Variants in RASSF4 observed in about 807,000 individuals in gnomAD.
The protein encoded by RASSF4 is ras association domain-containing protein 4.
In RASSF4, 38 loss-of-function variants were observed where a neutral mutation model predicts 41.1. That is an observed-to-expected ratio of 0.92 (90% CI 0.71 to 1.21). RASSF4 has a LOEUF of 1.21. Among genes scored for constraint, RASSF4 ranks in the 50% most tolerant of loss-of-function variants. RASSF4 has a pLI of 0.00. For missense variants in RASSF4, 414 were observed against 419.4 expected (o/e 0.99, Z 0.11); for synonymous variants, 179 against 163.4 (o/e 1.10, Z -0.73).
At chr10:44,978,025 C>T (rs1484093087) in intron 3 of RASSF4, 18 of 1,607,008 alleles carry the variant, frequency 1.1e-5, no homozygotes, top group Non-Finnish European at 1.5e-5. Context: ...GAAGCCGGGA[C>T]CTCATCACTC....
At chr10:44,987,829 A>C (rs1841976479) in intron 6 of RASSF4, among the ~76,000 whole-genome samples, 1 of 152,172 alleles carries the variant, frequency 6.6e-6, no homozygotes, top group Non-Finnish European at 1.5e-5. Flanking sequence ...TTAAGAAACT[A>C]CAGTATAGTA....
rs1841861853 is a variant in RASSF4 at position 44,984,907 on chromosome 10, CG to C, written c.470del (p.Gly157ValfsTer32). 1.2e-6 allele frequency: 2 copies of C among 1,613,540 alleles called. No individual in the cohort carries two copies. The highest frequency in any genetic ancestry group is 1.3e-5 in the African/African-American group (1 of 75,070). ...SQRRPKCRAP[G>X]EAQRIRRHRF... ...AGAGGAGGCCCAAGTGCCGCGCCCC[CG>C]GTGAGGCCCAGCGCATCCGGCGACA... On this transcript the variant is annotated frameshift_variant, in exon 6 of 11. Transcript: ENST00000340258. LOFTEE classifies it high-confidence loss of function.
rs976167922 is a variant in RASSF4, at chr10:44,995,280, G to T, written c.*1951G>T. On this transcript the variant is annotated 3_prime_UTR_variant, in exon 11 of 11. Coordinates refer to ENST00000340258, the MANE Select transcript of RASSF4 (RefSeq NM_032023.4). ...TCTTCTCATCAGGAGAAGAAGGCCA[G>T]ACACTGGAAGGGTCAAGAGATCAGC... 6.6e-6 allele frequency: 1 copy of T among 152,308 alleles called. No homozygotes were observed. The highest frequency in any genetic ancestry group is 2.4e-5 in the African/African-American group (1 of 41,474). 9.4% of individuals were successfully genotyped at this position (152,308 alleles called of 1,614,324 possible).
intron 1 of RASSF4, among the ~76,000 whole-genome samples, chr10:44,968,047 C>T (rs1466396534): frequency 6.6e-6 from 1 of 152,164 alleles, no homozygotes; most frequent in Non-Finnish European, 1.5e-5. Context: ...GAGCCCAGGG[C>T]TTAGAGCAGG....
chr10:44,974,080 T>C (rs1178934883), intron 3 of RASSF4, among the ~76,000 whole-genome samples: 1 of 152,238 alleles, frequency 6.6e-6, no homozygotes, highest in African/African-American at 2.4e-5. Flanking sequence ...GGCTTTAGGC[T>C]GTGACACTGA....
intron 3 of RASSF4, chr10:44,977,461 G>T: frequency 6.2e-7 from 1 of 1,612,124 alleles, no homozygotes; most frequent in Non-Finnish European, 8.5e-7. Flanking sequence ...GGGGGCGGTG[G>T]CGGGAGGCCA....
At chr10:44,970,456 TG>T in intron 2 of RASSF4, 192 bp downstream of exon 2, 1 of 579,868 alleles carries the variant, frequency 1.7e-6, no homozygotes. Flanking sequence ...TGACCATGGC[TG>T]GGAGGCATGG....
At chr10:44,977,834 G>A in intron 3 of RASSF4, 1 of 1,605,936 alleles carries the variant, frequency 6.2e-7, no homozygotes, top group Non-Finnish European at 8.5e-7. Flanking sequence ...TGGCCTGTGG[G>A]GTGGCCTGGG....
At chr10:44,982,204 C>A in intron 3 of RASSF4, 1 of 388,778 alleles carries the variant, frequency 2.6e-6, no homozygotes. Flanking sequence ...CTGTGCGTCC[C>A]TGGAACCACT....
At chr10:44,983,731 C>T (rs573421418) in intron 4 of RASSF4, 7 of 402,258 alleles carry the variant, frequency 1.7e-5, no homozygotes, top group East Asian at 5.5e-5. Flanking sequence ...TCTAGGAATG[C>T]GCAGGCCCTG....
Position 44,984,977 on chromosome 10 carries a change from C to A in RASSF4, c.531+7C>A. On this transcript the variant is annotated splice_region_variant and intron_variant, in intron 6 of 10. Coordinates refer to ENST00000340258, the MANE Select transcript of RASSF4 (RefSeq NM_032023.4). The stretch of plus-strand genomic sequence containing the variant: ...CCACTTCTACAATCATAAGGTGATG[C>A]CCCAGCCTGGCCTCTCCCCTGGGCG... 1 of 1,607,582 alleles carries A rather than the reference C, an allele frequency of 6.2e-7. No homozygotes were observed. The highest frequency in any genetic ancestry group is 8.5e-7 in the Non-Finnish European group (1 of 1,178,534).
chr10:44,990,819 T>C (rs1842081520), intron 8 of RASSF4, 129 bp from the exon 9 acceptor site: 1 of 882,946 alleles, frequency 1.1e-6, no homozygotes, highest in Non-Finnish European at 1.8e-6. Context: ...AGGGCAGCGC[T>C]GTTAGCGAGG....
intron 3 of RASSF4, among the ~76,000 whole-genome samples, chr10:44,973,017 G>C (rs1158312112): frequency 6.6e-6 from 1 of 152,222 alleles, no homozygotes; most frequent in East Asian, 1.9e-4. Flanking sequence ...GGCCAGGCCA[G>C]ACATCACACC....
chr10:44,990,023 G>A (rs997366958), intron 8 of RASSF4, among the ~76,000 whole-genome samples: 1 of 152,232 alleles, frequency 6.6e-6, no homozygotes, highest in Non-Finnish European at 1.5e-5. Context: ...TCAGGATTCT[G>A]AAGGAGAATC....
chr10:44,993,121 G>T, intron 10 of RASSF4, 148 bp from the exon 11 acceptor site: 1 of 657,982 alleles, frequency 1.5e-6, no homozygotes, highest in Non-Finnish European at 2.7e-6. Flanking sequence ...ATGAGGCGCA[G>T]GCCACAGCCT....
intron 3 of RASSF4, among the ~76,000 whole-genome samples, chr10:44,979,294 C>T (rs2132787180): frequency 6.6e-6 from 1 of 152,314 alleles, no homozygotes; most frequent in African/African-American, 2.4e-5. Flanking sequence ...CGGGGTCTGA[C>T]CCTGGTCTTC....
chr10:44,980,432 G>A (rs142785766), intron 3 of RASSF4, among the ~76,000 whole-genome samples: 2 of 152,320 alleles, frequency 1.3e-5, no homozygotes, highest in African/African-American at 4.8e-5. Context: ...ATTCAGATGC[G>A]GCCAAGCTGG....
intron 6 of RASSF4, among the ~76,000 whole-genome samples, chr10:44,987,550 T>G (rs1490863238): frequency 6.6e-6 from 1 of 150,970 alleles, no homozygotes; most frequent in African/African-American, 2.4e-5. Context: ...TTATTGTGCT[T>G]CTTGTTACTG....
chr10:44,985,559 C>T (rs1021319353), intron 6 of RASSF4, among the ~76,000 whole-genome samples: 7 of 152,212 alleles, frequency 4.6e-5, no homozygotes, highest in Non-Finnish European at 8.8e-5. Flanking sequence ...GATGGAGCGT[C>T]TTGTGACAGG....
Sources: gnomAD v4.1 joint callset for allele counts (sites outside exome capture counted in the v4.1 genomes callset) on GRCh38, gnomAD v4.1.1 for gene constraint, MANE v1.5 for transcripts, NCBI Gene and HGNC (gene_info 2026-07-23, HGNC 2026-07-21) for gene names.